The following CACNA2D3 variants were observed in gnomAD, a reference collection of about 807,000 sequenced individuals.
CACNA2D3 encodes the protein voltage-dependent calcium channel subunit alpha-2/delta-3.
In CACNA2D3, 60 loss-of-function variants were observed where a neutral mutation model predicts 160.6. That is an observed-to-expected ratio of 0.37 (90% confidence interval 0.30 to 0.46). CACNA2D3 has a LOEUF of 0.46. Among genes scored for constraint, CACNA2D3 ranks in the 20% least tolerant of loss-of-function variants. The probability of loss-of-function intolerance (pLI) is 1.00; values close to 1 mark genes in which losing one functional copy is unlikely to be tolerated. For synonymous variants in CACNA2D3, 558 were observed against 492.9 expected, an observed-to-expected ratio of 1.13 and a Z score of -1.75; for missense variants, 1,205 against 1,365.0, an observed-to-expected ratio of 0.88 and a Z score of 1.85.
At chr3:54,596,498 G>C (rs114821642) in intron 9 of CACNA2D3, among the ~76,000 whole-genome samples, 1 of 152,006 alleles carries the variant, frequency 6.6e-6, no homozygotes, top group Non-Finnish European at 1.5e-5. Context: ...CATATGTATG[G>C]GCTCTCACGG....
intron 2 of CACNA2D3, among the ~76,000 whole-genome samples, chr3:54,305,797 C>G (rs947896801): frequency 1.3e-5 from 2 of 152,230 alleles, no homozygotes. Context: ...TAACCTCTAA[C>G]CAAAACATAT....
At chr3:54,157,519 G>C (rs554295427) in intron 2 of CACNA2D3, among the ~76,000 whole-genome samples, 1 of 152,264 alleles carries the variant, frequency 6.6e-6, no homozygotes, top group East Asian at 1.9e-4. Flanking sequence ...GGCCAGGCAC[G>C]GTGGCTCACG....
At chr3:55,072,803 G>A (rs1704841007) in intron 35 of CACNA2D3, among the ~76,000 whole-genome samples, 1 of 152,160 alleles carries the variant, frequency 6.6e-6, no homozygotes, top group Non-Finnish European at 1.5e-5. Context: ...TGTTTAAGTT[G>A]GACTAACTAT....
intron 5 of CACNA2D3, among the ~76,000 whole-genome samples, chr3:54,520,002 G>T (rs1324774670): frequency 6.6e-6 from 1 of 152,220 alleles, no homozygotes; most frequent in East Asian, 1.9e-4. Flanking sequence ...AGCTGTGTCT[G>T]CATTAAGAAT....
intron 5 of CACNA2D3, among the ~76,000 whole-genome samples, chr3:54,558,120 G>A (rs923853484): frequency 3.9e-5 from 6 of 152,184 alleles, no homozygotes; most frequent in Admixed American, 3.3e-4. Context: ...AAGTGGACCT[G>A]ACTTATGTGA....
chr3:54,925,065 C>T (rs372903003), intron 27 of CACNA2D3: 38 of 1,613,884 alleles, frequency 2.4e-5, no homozygotes, highest in Admixed American at 1.2e-4. Flanking sequence ...ATGCAGCGTT[C>T]GAGTCTGAGG....
At chr3:55,035,821 A>C (rs1006633149) in intron 35 of CACNA2D3, among the ~76,000 whole-genome samples, 3 of 152,198 alleles carry the variant, frequency 2.0e-5, no homozygotes, top group Admixed American at 1.3e-4. Context: ...GATAATTCTA[A>C]AAATGCTTTC....
chr3:54,207,865 A>T lies in CACNA2D3; in HGVS notation c.204+84271A>T, dbSNP rs551644913. Among the ~76,000 whole-genome samples, 5 of 152,128 alleles carry T rather than the reference A, an allele frequency of 3.3e-5. No homozygotes were observed. In the South Asian group the frequency reaches 1.0e-3, roughly 32 times the overall value. ...TACTTTGGATTAGCTATCTCGGTGC[A>T]TCTATTCTCATGACACTTATCCATT... is the stretch of plus-strand genomic sequence containing the variant. On this transcript the variant is annotated intron_variant, in intron 2 of 37. Coordinates refer to ENST00000474759, the MANE Select transcript of CACNA2D3 (RefSeq NM_018398.3).
Position 54,474,646 on chromosome 3 carries a change from G to A in CACNA2D3, c.382-28846G>A, listed in dbSNP as rs186297813. On this transcript the variant is annotated intron_variant, in intron 4 of 37. Transcript: ENST00000474759. ...GGAGCTTCATTAAAAAAGGAAGAAG[G>A]AAAGATTAAGAGAGAGAGAAATAAG... 2.2e-4 allele frequency among the ~76,000 whole-genome samples: 34 copies of A among 151,846 alleles called. No individual in the cohort carries two copies. In the South Asian group the frequency reaches 3.1e-3, roughly 14 times the overall value.
At chr3:54,824,318 C>T (rs1412303312) in intron 14 of CACNA2D3, among the ~76,000 whole-genome samples, 5 of 152,150 alleles carry the variant, frequency 3.3e-5, no homozygotes, top group South Asian at 2.1e-4. Flanking sequence ...TGTGGTTACA[C>T]CGTGGAGGTC....
intron 15 of CACNA2D3, 119 bp from the exon 16 acceptor site, chr3:54,838,449 C>A: frequency 1.3e-6 from 1 of 791,864 alleles, no homozygotes; most frequent in Non-Finnish European, 2.2e-6. Flanking sequence ...TGGGTTAATC[C>A]TCAATCTGTA....
At chr3:54,640,192 C>G (rs1055287425) in intron 10 of CACNA2D3, among the ~76,000 whole-genome samples, 51 of 152,160 alleles carry the variant, frequency 3.4e-4, no homozygotes, top group African/African-American at 1.2e-3. Context: ...GGCTTGGGCT[C>G]AGAGGCCTGA....
chr3:54,135,139 G>A (rs754067879), intron 2 of CACNA2D3, among the ~76,000 whole-genome samples: 27 of 152,284 alleles, frequency 1.8e-4, no homozygotes, highest in Non-Finnish European at 3.7e-4. Flanking sequence ...AGATGTGTGC[G>A]TGGTGTTTGC....
chr3:54,154,657 T>C (rs1358520778), intron 2 of CACNA2D3, among the ~76,000 whole-genome samples: 1 of 152,202 alleles, frequency 6.6e-6, no homozygotes, highest in Non-Finnish European at 1.5e-5. Flanking sequence ...ATCCATCCTC[T>C]GGGTGGATTT....
At chr3:54,149,296 CACATAT>C (rs946174582) in intron 2 of CACNA2D3, among the ~76,000 whole-genome samples, 16 of 151,830 alleles carry the variant, frequency 1.1e-4, no homozygotes, top group African/African-American at 3.1e-4. Flanking sequence ...CACACACACA[CACATAT>C]GTGTGGAGCC....
At chr3:54,855,776 A>C (rs1389268569) in intron 17 of CACNA2D3, among the ~76,000 whole-genome samples, 2 of 152,154 alleles carry the variant, frequency 1.3e-5, no homozygotes, top group Non-Finnish European at 2.9e-5. Context: ...CAAGTGATTA[A>C]GAATTGTTAT....
At chr3:55,050,389 C>A (rs962457774) in intron 35 of CACNA2D3, among the ~76,000 whole-genome samples, 94 of 151,808 alleles carry the variant, frequency 6.2e-4, no homozygotes, top group Middle Eastern at 6.8e-3. Flanking sequence ...ATATGAAATT[C>A]TGGGTTGAAA....
At chr3:54,515,199 T>TGAGA (rs778355205) in intron 5 of CACNA2D3, among the ~76,000 whole-genome samples, 7,862 of 143,484 alleles carry the variant, frequency 0.055, 540 homozygotes, top group African/African-American at 0.16. Flanking sequence ...TGTGTGTGTG[T>TGAGA]GAGAGAGAGA....
intron 2 of CACNA2D3, among the ~76,000 whole-genome samples, chr3:54,209,887 C>T (rs1188935862): frequency 6.6e-6 from 1 of 152,180 alleles, no homozygotes; most frequent in Non-Finnish European, 1.5e-5. Flanking sequence ...GTTTAGAAAT[C>T]GGAATCCCTT....
Sources: gnomAD v4.1 joint callset for allele counts (sites outside exome capture counted in the v4.1 genomes callset) on GRCh38, gnomAD v4.1.1 for gene constraint, MANE v1.5 for transcripts, NCBI Gene and HGNC (gene_info 2026-07-23, HGNC 2026-07-21) for gene names.